RNF182: variants seen among roughly 807,000 people sequenced by gnomAD.
The protein encoded by RNF182 is ring finger protein 182, also known as E3 ubiquitin-protein ligase RNF182.
In RNF182, 15 loss-of-function variants were observed where a neutral mutation model predicts 14.4. The observed-to-expected ratio is 1.04, with a 90% confidence interval of 0.70 to 1.60. The LOEUF (loss-of-function observed/expected upper bound fraction) is 1.60. Among genes scored for constraint, RNF182 ranks in the 40% most tolerant of loss-of-function variants. RNF182 has a pLI of 0.00. For missense variants in RNF182, 268 were observed against 294.8 expected (o/e 0.91, Z 0.67); for synonymous variants, 128 against 122.9 (o/e 1.04, Z -0.27).
At chr6:13,959,986 A>T (rs1183891822) in intron 1 of RNF182, among the ~76,000 whole-genome samples, 1 of 151,828 alleles carries the variant, frequency 6.6e-6, no homozygotes, top group African/African-American at 2.4e-5. Flanking sequence ...GAGTTCTAAC[A>T]TCTAGAGATT....
chr6:13,958,680 T>G (rs963432079), intron 1 of RNF182, among the ~76,000 whole-genome samples: 3 of 152,190 alleles, frequency 2.0e-5, no homozygotes, highest in Non-Finnish European at 4.4e-5. Context: ...TAGTAGAAAT[T>G]TAGAACAAAC....
chr6:13,974,734 T>A (rs768814711), intron 2 of RNF182, among the ~76,000 whole-genome samples: 1 of 152,252 alleles, frequency 6.6e-6, no homozygotes, highest in Non-Finnish European at 1.5e-5. Context: ...AACACTCACA[T>A]GTCTACTCTA....
At chr6:13,949,994 C>T (rs1759546105) in intron 1 of RNF182, among the ~76,000 whole-genome samples, 1 of 152,196 alleles carries the variant, frequency 6.6e-6, no homozygotes, top group Non-Finnish European at 1.5e-5. Context: ...ACCATTTGCT[C>T]AAATTTTTAG....
In RNF182 at chr6:13,937,401, CAAATGG is replaced by C. The variant is rs200100411; in HGVS notation, c.-367+12381_-367+12386del. 8.9e-4 allele frequency among the ~76,000 whole-genome samples: 135 copies of C among 152,292 alleles called. 1 individual carries two copies. Among genetic ancestry groups the C allele is most frequent in the East Asian group, 8.3e-3 (43 of 5,184 alleles). On this transcript the variant is annotated intron_variant, in intron 1 of 2. Coordinates refer to ENST00000488300, the MANE Select transcript of RNF182 (RefSeq NM_152737.4). ...GTTTTGCCCAGTTTAGAACTTTATA[CAAATGG>C]AATCAGGCAGTGTGTACTTTATGTG...
chr6:13,948,779 T>A (rs1759502881), intron 1 of RNF182, among the ~76,000 whole-genome samples: 1 of 152,162 alleles, frequency 6.6e-6, no homozygotes, highest in Non-Finnish European at 1.5e-5. Flanking sequence ...TTAAAGATTT[T>A]AAAAAGGCAA....
intron 1 of RNF182, among the ~76,000 whole-genome samples, chr6:13,934,111 T>C (rs994638611): frequency 6.6e-5 from 10 of 152,230 alleles, no homozygotes; most frequent in African/African-American, 2.4e-4. Context: ...TGTTTCAGTT[T>C]CTAAATTTAA....
chr6:13,930,136 CA>C (rs996320681), intron 1 of RNF182, among the ~76,000 whole-genome samples: 7 of 72,182 alleles, frequency 9.7e-5, no homozygotes, highest in African/African-American at 2.4e-4. Context: ...GAAAATATTC[CA>C]AAAAATAATT....
rs1318247407 is a variant in RNF182, at chr6:13,977,776, C to T, written c.657C>T (p.Val219=). The T allele has an allele frequency of 6.2e-7, 1 of 1,614,092 alleles. No individual in the cohort carries two copies. Among genetic ancestry groups the T allele is most frequent in the Non-Finnish European group, 8.5e-7 (1 of 1,180,004 alleles). Residue 219 remains valine (V), a synonymous_variant, in exon 3 of 3, where the codon GTC becomes GTT. Coordinates refer to ENST00000488300, the MANE Select transcript of RNF182 (RefSeq NM_152737.4). The part of the protein sequence containing the change: ...VTLGVVFVSL[V]PSSLVILMVY... ...TTGGGGTCGTCTTTGTCAGCCTGGT[C>T]CCTTCGAGCCTCGTTATTCTTATGG...
Position 13,964,028 on chromosome 6 carries a change from A to G in RNF182, c.-366-10182A>G, listed in dbSNP as rs911305628. Among the ~76,000 whole-genome samples, 3 of 152,162 alleles carry G rather than the reference A, an allele frequency of 2.0e-5. No individual in the cohort carries two copies. In the East Asian group the frequency reaches 5.8e-4, roughly 29 times the overall value. On this transcript the variant is annotated intron_variant, in intron 1 of 2. Coordinates refer to ENST00000488300, the MANE Select transcript of RNF182 (RefSeq NM_152737.4). ...AAGACCCAAAAACAGTTCAAGATCC[A>G]AACAGCAAAGACTCAAGACAATCTC...
At chr6:13,966,486 G>C (rs1214916298) in intron 1 of RNF182, among the ~76,000 whole-genome samples, 1 of 152,144 alleles carries the variant, frequency 6.6e-6, no homozygotes, top group Non-Finnish European at 1.5e-5. Context: ...ACCCAGGTCA[G>C]GCATGGTGGC....
chr6:13,961,803 G>C (rs986156058), intron 1 of RNF182, among the ~76,000 whole-genome samples: 9 of 152,114 alleles, frequency 5.9e-5, no homozygotes, highest in Non-Finnish European at 1.2e-4. Context: ...TTTAATTGTT[G>C]AGGGAGGCTT....
At chr6:13,975,047 G>A (rs989967807) in intron 2 of RNF182, among the ~76,000 whole-genome samples, 1 of 152,112 alleles carries the variant, frequency 6.6e-6, no homozygotes, top group Non-Finnish European at 1.5e-5. Flanking sequence ...GGCTACCAGG[G>A]GTACTGTTGT....
At chr6:13,954,239 T>C (rs1291426709) in intron 1 of RNF182, among the ~76,000 whole-genome samples, 2 of 152,198 alleles carry the variant, frequency 1.3e-5, no homozygotes, top group Non-Finnish European at 2.9e-5. Context: ...AGACTTGCCT[T>C]TAAATAATAT....
At chr6:13,926,095 T>G (rs1758817686) in intron 1 of RNF182, among the ~76,000 whole-genome samples, 1 of 152,192 alleles carries the variant, frequency 6.6e-6, no homozygotes, top group Non-Finnish European at 1.5e-5. Context: ...TTGTTTTAAA[T>G]CATATTTAAA....
intron 1 of RNF182, among the ~76,000 whole-genome samples, chr6:13,946,855 G>T (rs1045071823): frequency 1.3e-5 from 2 of 152,154 alleles, no homozygotes; most frequent in African/African-American, 4.8e-5. Context: ...AGGGTCTCTT[G>T]TATTTAGAGT....
chr6:13,974,519 A>C (rs937177495), intron 2 of RNF182, among the ~76,000 whole-genome samples, 155 bp downstream of exon 2: 1 of 152,234 alleles, frequency 6.6e-6, no homozygotes, highest in African/African-American at 2.4e-5. Context: ...TTTCTGTGAC[A>C]AAACAAAGCT....
intron 1 of RNF182, among the ~76,000 whole-genome samples, chr6:13,939,851 A>ATTT (rs1407536282): frequency 6.6e-5 from 10 of 152,156 alleles, no homozygotes; most frequent in African/African-American, 2.4e-4. Flanking sequence ...GCATAAATGC[A>ATTT]TTTTTGTATC....
intron 1 of RNF182, among the ~76,000 whole-genome samples, chr6:13,939,168 G>A (rs1016663587): frequency 1.4e-4 from 21 of 152,108 alleles, no homozygotes; most frequent in African/African-American, 4.8e-4. Flanking sequence ...TTTTTGTCTT[G>A]ATTTTCTTTT....
chr6:13,973,138 A>C (rs1760236343), intron 1 of RNF182, among the ~76,000 whole-genome samples: 1 of 152,118 alleles, frequency 6.6e-6, no homozygotes, highest in Non-Finnish European at 1.5e-5. Context: ...GCCCTGCTGG[A>C]TTTTGGACTT....
Sources: gnomAD v4.1 joint callset for allele counts (sites outside exome capture counted in the v4.1 genomes callset) on GRCh38, gnomAD v4.1.1 for gene constraint, MANE v1.5 for transcripts, NCBI Gene and HGNC (gene_info 2026-07-23, HGNC 2026-07-21) for gene names.